IRF2: variants seen among roughly 807,000 people sequenced by gnomAD.
IRF2 encodes interferon regulatory factor 2.
A neutral mutation model predicts 40.6 loss-of-function variants in IRF2; 15 were observed. That is an observed-to-expected ratio of 0.37 (90% CI 0.25 to 0.57). The LOEUF (loss-of-function observed/expected upper bound fraction) is 0.57, where lower values mean the gene tolerates loss of function less well. Ranked by LOEUF, IRF2 falls within the 20% of genes least tolerant of loss-of-function variation. The probability of loss-of-function intolerance (pLI) is 0.77; values close to 1 mark genes in which losing one functional copy is unlikely to be tolerated. For missense variants in IRF2, 317 were observed against 455.7 expected (o/e 0.70, Z 2.77); for synonymous variants, 151 against 165.5 (o/e 0.91, Z 0.67).
chr4:184,444,463 C>A (rs575494790), intron 1 of IRF2, among the ~76,000 whole-genome samples: 4 of 152,254 alleles, frequency 2.6e-5, no homozygotes, highest in African/African-American at 9.6e-5. Context: ...GCATGGTTTG[C>A]GGTAAGGATT....
At chr4:184,423,036 CT>C (rs905188321) in intron 2 of IRF2, among the ~76,000 whole-genome samples, 1 of 152,094 alleles carries the variant, frequency 6.6e-6, no homozygotes, top group Non-Finnish European at 1.5e-5. Context: ...ATCACAGATT[CT>C]TTTTTTGAAG....
intron 1 of IRF2, among the ~76,000 whole-genome samples, chr4:184,450,619 G>A (rs933428871): frequency 4.6e-5 from 7 of 151,978 alleles, no homozygotes; most frequent in East Asian, 1.9e-4. Context: ...CTAACAATAC[G>A]TATGTGCTTT....
Position 184,388,659 on chromosome 4 carries a change from A to T in IRF2, c.*99T>A. The stretch of plus-strand genomic sequence containing the variant: ...CTATTGTCAAGGCTTTTTCCCTTAG[A>T]TTTGTCTAAAATAGGTGTCAGAGAG... On this transcript the variant is annotated 3_prime_UTR_variant, in exon 9 of 9. Coordinates refer to ENST00000393593, the MANE Select transcript of IRF2 (RefSeq NM_002199.4). The surrounding 1 kb of genome is among the most constrained non-coding windows in gnomAD (Gnocchi z 4.6). The T allele has an allele frequency of 1.6e-6, 2 of 1,236,862 alleles. No individual in the cohort carries two copies. Among genetic ancestry groups the T allele is most frequent in the South Asian group, 2.9e-5 (2 of 70,028 alleles). 76.6% of individuals were successfully genotyped at this position (1,236,862 alleles called of 1,614,324 possible).
intron 1 of IRF2, among the ~76,000 whole-genome samples, chr4:184,450,720 G>C (rs1012355067): frequency 3.3e-5 from 5 of 151,954 alleles, no homozygotes; most frequent in Admixed American, 6.6e-5. Flanking sequence ...TCTCCCTAAG[G>C]TTCCTTTATG....
Position 184,429,001 on chromosome 4 carries a change from G to A in IRF2, c.64C>T (p.Pro22Ser). The A allele has an allele frequency of 6.2e-7, 1 of 1,614,122 alleles. No homozygotes were observed. The highest frequency in any genetic ancestry group is 8.5e-7 in the Non-Finnish European group (1 of 1,179,962). ...LEEQINSNTI[P>S]GLKWLNKEKK... ...ACCTTGTTAAGCCACTTGAGCCCCG[G>A]GATCGTGTTGGAGTTTATCTGCTCC... Residue 22 changes from proline (P) to serine (S), a missense_variant, in exon 2 of 9, where the codon CCG becomes TCG. By Grantham distance (74) the Pro-to-Ser change is moderately conservative. Coordinates refer to ENST00000393593, the MANE Select transcript of IRF2 (RefSeq NM_002199.4).
chr4:184,436,597 TG>T (rs1368979346), intron 1 of IRF2, among the ~76,000 whole-genome samples: 1 of 152,066 alleles, frequency 6.6e-6, no homozygotes, highest in East Asian at 1.9e-4. Context: ...GAAAGCTTTA[TG>T]GCAAAGGAAA....
chr4:184,433,441 C>A (rs560277816), intron 1 of IRF2, among the ~76,000 whole-genome samples: 2 of 152,206 alleles, frequency 1.3e-5, no homozygotes, highest in Non-Finnish European at 2.9e-5. Context: ...TGTCATCCAC[C>A]GGCTGGGTGC....
Position 184,437,419 on chromosome 4 carries a change from G to T in IRF2, c.-6-8349C>A, listed in dbSNP as rs187061906. ...CTACCTATGTTGCCCGGGTTGGTTTGAACTCCTGGCCTCAAGTGATCCTCC... is the reference window on the plus strand; with the variant it reads ...CTACCTATGTTGCCCGGGTTGGTTTTAACTCCTGGCCTCAAGTGATCCTCC... On this transcript the variant is annotated intron_variant, in intron 1 of 8. Transcript: ENST00000393593. Among the ~76,000 whole-genome samples the T allele has an allele frequency of 1.4e-3, 213 of 152,178 alleles. 3 individuals carry two copies. The highest frequency in any genetic ancestry group is 6.2e-4 in the South Asian group (3 of 4,822).
chr4:184,463,039 T>C lies in IRF2; in HGVS notation c.-7+11340A>G, dbSNP rs73003415. On this transcript the variant is annotated intron_variant, in intron 1 of 8. Coordinates refer to ENST00000393593, the MANE Select transcript of IRF2 (RefSeq NM_002199.4). Reference sequence around the variant, plus strand: ...GATACAAATGGAAAAATTCAAATAATCTAAGATTTTCATAACAGTTCAAGA... The same window carrying C: ...GATACAAATGGAAAAATTCAAATAACCTAAGATTTTCATAACAGTTCAAGA... Among the ~76,000 whole-genome samples, 987 of 152,324 alleles carry C rather than the reference T, an allele frequency of 6.5e-3. 6 individuals are homozygous for C. Among genetic ancestry groups the C allele is most frequent in the African/African-American group, 0.023 (950 of 41,572 alleles).
chr4:184,433,703 G>C (rs1561110089), intron 1 of IRF2, among the ~76,000 whole-genome samples: 1 of 152,186 alleles, frequency 6.6e-6, no homozygotes, highest in East Asian at 1.9e-4. Flanking sequence ...TCTCCAATGA[G>C]ACTCAATGAA....
In IRF2 at chr4:184,392,013, GGA is replaced by G. The variant is rs546987148; in HGVS notation, c.695-1266_695-1265del. ...TAACACTGGGTTTGCACAACAGGCT[GGA>G]TTAATGGAATCGAAGTCTAGTGATT... On this transcript the variant is annotated intron_variant, in intron 7 of 8. Transcript: ENST00000393593. Among the ~76,000 whole-genome samples the G allele has an allele frequency of 3.9e-4, 59 of 152,272 alleles. 2 individuals carry two copies. In the South Asian group the frequency reaches 0.012, roughly 31 times the overall value.
Position 184,474,109 on chromosome 4 carries a change from CT to C in IRF2, c.-7+269del. 1 of 153,896 alleles carries C rather than the reference CT, an allele frequency of 6.5e-6. No homozygotes were observed. The allele number at this position is 153,896 out of a possible 1,614,324, so 9.5% of individuals were successfully genotyped here. On this transcript the variant is annotated intron_variant, in intron 1 of 8. Transcript: ENST00000393593. This position sits in a 1 kb window ranked among gnomAD's most constrained non-coding sequence, Gnocchi z 5.6. The stretch of plus-strand genomic sequence containing the variant: ...CCTCCTCCTCCTCCCTCTCTACCTC[CT>C]CCTCCTCCTCCTCCTCGCAGCCTCA...
At chr4:184,469,399 G>A (rs1283833407) in intron 1 of IRF2, among the ~76,000 whole-genome samples, 5 of 152,238 alleles carry the variant, frequency 3.3e-5, no homozygotes, top group Non-Finnish European at 5.9e-5. Context: ...CACTAGGGCC[G>A]GGTGCAGTGG....
intron 1 of IRF2, among the ~76,000 whole-genome samples, chr4:184,452,221 A>G (rs969945276): frequency 1.3e-5 from 2 of 152,216 alleles, no homozygotes; most frequent in Admixed American, 1.3e-4. Flanking sequence ...ACAGGGGCAC[A>G]GGAGAGCTGA....
chr4:184,410,600 A>C (rs143045082), intron 5 of IRF2, among the ~76,000 whole-genome samples: 330 of 152,200 alleles, frequency 2.2e-3, no homozygotes, highest in African/African-American at 7.7e-3. Flanking sequence ...CCATCTCTTC[A>C]ACTCCCTCAA....
chr4:184,410,130 A>G (rs1433342291), intron 5 of IRF2, among the ~76,000 whole-genome samples: 2 of 152,122 alleles, frequency 1.3e-5, no homozygotes, highest in Middle Eastern at 3.4e-3. Flanking sequence ...GGGTCTTGAG[A>G]GCTCGGGCTT....
chr4:184,407,550 C>T (rs72701798), intron 6 of IRF2, among the ~76,000 whole-genome samples: 3,494 of 152,306 alleles, frequency 0.023, 65 homozygotes, highest in Non-Finnish European at 0.031. Context: ...ATTTTTCTCT[C>T]GCCTTTCTTT....
rs1738611270 is a variant in IRF2, at chr4:184,448,906, TACA to T, written c.-6-19839_-6-19837del. 1 of 152,242 alleles carries T rather than the reference TACA, an allele frequency of 6.6e-6. No homozygotes were observed. The highest frequency in any genetic ancestry group is 2.4e-5 in the African/African-American group (1 of 41,462). 9.4% of individuals were successfully genotyped at this position (152,242 alleles called of 1,614,324 possible). A position where few individuals can be genotyped will look rare whatever the true frequency, so the allele number is the denominator to read the frequency against. On this transcript the variant is annotated intron_variant, in intron 1 of 8. Coordinates refer to ENST00000393593, the MANE Select transcript of IRF2 (RefSeq NM_002199.4). The surrounding 1 kb of genome is among the most constrained non-coding windows in gnomAD (Gnocchi z 4.3). Reference sequence around the variant, plus strand: ...AGGGCTTTGCTTTTTGTTTCTTGTTTACAACGTTTCCTCGACGTGTGCAAGACG... The same window carrying T: ...AGGGCTTTGCTTTTTGTTTCTTGTTTACGTTTCCTCGACGTGTGCAAGACG...
intron 1 of IRF2, among the ~76,000 whole-genome samples, chr4:184,463,999 A>G (rs371418003): frequency 7.2e-5 from 11 of 152,378 alleles, no homozygotes; most frequent in Admixed American, 4.6e-4. Flanking sequence ...AAAAATGTAT[A>G]GGACACGAAG....
Sources: allele counts gnomAD v4.1 joint callset (sites outside exome capture counted in the v4.1 genomes callset), GRCh38; gene constraint gnomAD v4.1.1; non-coding constraint Gnocchi (gnomAD v3.1); transcripts MANE v1.5; gene names NCBI Gene and HGNC (gene_info 2026-07-23, HGNC 2026-07-21).